Variants in GPD1L observed in about 807,000 individuals in gnomAD.
The protein encoded by GPD1L is glycerol-3-phosphate dehydrogenase 1-like protein.
Under a neutral mutation model 32.9 loss-of-function variants are expected in GPD1L, and 17 were observed. The observed-to-expected ratio is 0.52, with a 90% CI of 0.35 to 0.78. The LOEUF (loss-of-function observed/expected upper bound fraction) is 0.78, where lower values mean the gene tolerates loss of function less well. Ranked by LOEUF, GPD1L falls within the 30% of genes least tolerant of loss-of-function variation. The probability of loss-of-function intolerance (pLI) is 0.01; values close to 1 mark genes in which losing one functional copy is unlikely to be tolerated. For missense variants in GPD1L, 361 were observed against 447.8 expected (o/e 0.81, Z 1.75); for synonymous variants, 187 against 165.9 (o/e 1.13, Z -0.98).
chr3:32,163,511 C>T (rs1218147528), intron 7 of GPD1L, among the ~76,000 whole-genome samples: 1 of 152,108 alleles, frequency 6.6e-6, no homozygotes, highest in East Asian at 1.9e-4. Flanking sequence ...TCTTTTTCTT[C>T]CTTTCACCTC....
intron 5 of GPD1L, 54 bp downstream of exon 5, chr3:32,146,788 T>A: frequency 1.0e-6 from 1 of 975,256 alleles, no homozygotes; most frequent in Admixed American, 1.7e-5. Context: ...GTTAGCATCA[T>A]TGAGTCTAAT....
At chr3:32,117,046 A>C (rs908034834) in intron 1 of GPD1L, among the ~76,000 whole-genome samples, 3 of 152,352 alleles carry the variant, frequency 2.0e-5, no homozygotes, top group East Asian at 3.9e-4. Context: ...AAATGTAAAT[A>C]CTATGTGTAG....
At chr3:32,135,964 C>T (rs919989521) in intron 2 of GPD1L, among the ~76,000 whole-genome samples, 4 of 152,138 alleles carry the variant, frequency 2.6e-5, no homozygotes, top group African/African-American at 7.2e-5. Flanking sequence ...CTGCCACTAA[C>T]GGTGGAGAAG....
At chr3:32,117,700 A>C (rs1356473801) in intron 1 of GPD1L, among the ~76,000 whole-genome samples, 1 of 152,220 alleles carries the variant, frequency 6.6e-6, no homozygotes, top group East Asian at 1.9e-4. Flanking sequence ...TAGGATGTAG[A>C]ATATGCTTGT....
intron 5 of GPD1L, among the ~76,000 whole-genome samples, chr3:32,149,842 G>A (rs76296590): frequency 2.6e-5 from 4 of 152,070 alleles, no homozygotes; most frequent in Middle Eastern, 3.4e-3. Context: ...CCAGCTACTC[G>A]GGAGGCTGAG....
In GPD1L at chr3:32,128,229, T is replaced by G; in HGVS notation, c.201T>G (p.Pro67=). ...NNDHENVKYL[P]GHKLPENVVA... is the part of the protein sequence containing the mutation. ...ACCATGAAAATGTAAAATATCTTCC[T>G]GGACACAAGCTGCCAGAAAATGTGG... The change falls in exon 2 of 8, where the codon CCT becomes CCG. Residue 67 remains proline, a synonymous_variant. Coordinates refer to ENST00000282541, the MANE Select transcript of GPD1L (RefSeq NM_015141.4). 1 of 1,613,848 alleles carries G rather than the reference T, an allele frequency of 6.2e-7. No individual in the cohort carries two copies. The highest frequency in any genetic ancestry group is 2.2e-5 in the East Asian group (1 of 44,872).
Position 32,165,823 on chromosome 3 carries a change from G to T in GPD1L, c.969G>T (p.Leu323Phe), listed in dbSNP as rs749812671. Reference sequence around the variant, plus strand: ...ATTTCCTCCCAACTAGGTTTCCATTGTTTACTGCAGTGTATCAGATCTGCT... The same window carrying T: ...ATTTCCTCCCAACTAGGTTTCCATTTTTTACTGCAGTGTATCAGATCTGCT... ...KQKGLLDKFP[L>F]FTAVYQICYE... The change falls in exon 8 of 8, where the codon TTG becomes TTT. Residue 323 changes from leucine to phenylalanine, a missense_variant. Transcript: ENST00000282541. 6.3e-7 allele frequency: 1 copy of T among 1,588,144 alleles called. No individual in the cohort carries two copies. The highest frequency in any genetic ancestry group is 8.6e-7 in the Non-Finnish European group (1 of 1,156,438).
At chr3:32,120,216 C>T (rs1166395899) in intron 1 of GPD1L, among the ~76,000 whole-genome samples, 1 of 151,902 alleles carries the variant, frequency 6.6e-6, no homozygotes, top group Admixed American at 6.6e-5. Flanking sequence ...TACTGGGGAG[C>T]CTGAGGCAGG....
chr3:32,159,019 C>T lies in GPD1L; in HGVS notation c.762C>T (p.Phe254=), dbSNP rs1453406813. ...FCKGQVSTAT[F]LESCGVADLI... Reference sequence around the variant, plus strand: ...AAGGCCAAGTGTCTACAGCCACCTTCCTAGAGAGCTGCGGGGTGGCCGACC... The same window carrying T: ...AAGGCCAAGTGTCTACAGCCACCTTTCTAGAGAGCTGCGGGGTGGCCGACC... Residue 254 remains phenylalanine (F), a synonymous_variant, in exon 6 of 8, where the codon TTC becomes TTT. Coordinates refer to ENST00000282541, the MANE Select transcript of GPD1L (RefSeq NM_015141.4). 1.9e-6 allele frequency: 3 copies of T among 1,614,058 alleles called. No individual in the cohort carries two copies. Among genetic ancestry groups the T allele is most frequent in the East Asian group, 4.5e-5 (2 of 44,880 alleles).
At chr3:32,119,225 A>G (rs1340754064) in intron 1 of GPD1L, among the ~76,000 whole-genome samples, 1 of 152,232 alleles carries the variant, frequency 6.6e-6, no homozygotes, top group Non-Finnish European at 1.5e-5. Context: ...TATTTTACAA[A>G]TCTACAAACA....
At chr3:32,130,165 A>G (rs79019422) in intron 2 of GPD1L, among the ~76,000 whole-genome samples, 6,616 of 152,074 alleles carry the variant, frequency 0.044, 465 homozygotes, top group East Asian at 0.27. Flanking sequence ...AGGAATCGAC[A>G]TAGAGGAGTT....
chr3:32,140,168 T>C (rs72546654), intron 3 of GPD1L, 60 bp from the exon 4 acceptor site: 13 of 1,588,524 alleles, frequency 8.2e-6, no homozygotes, highest in Non-Finnish European at 3.5e-6. Context: ...GGACATCTAC[T>C]ATCCCATGCC....
At chr3:32,141,679 TA>T (rs946689348) in intron 4 of GPD1L, among the ~76,000 whole-genome samples, 8 of 151,896 alleles carry the variant, frequency 5.3e-5, no homozygotes, top group Admixed American at 1.3e-4. Context: ...GACACAGGTT[TA>T]AAAAAAAATT....
intron 7 of GPD1L, among the ~76,000 whole-genome samples, chr3:32,163,655 A>G (rs1220245822): frequency 2.0e-5 from 3 of 152,280 alleles, no homozygotes; most frequent in Non-Finnish European, 4.4e-5. Flanking sequence ...CTGTGGTTCA[A>G]TTTACTCATA....
intron 1 of GPD1L, among the ~76,000 whole-genome samples, chr3:32,119,321 AGGT>A (rs1160918063): frequency 6.6e-6 from 1 of 152,188 alleles, no homozygotes; most frequent in African/African-American, 2.4e-5. Context: ...AGTGGATCTG[AGGT>A]GGTATTATTT....
At chr3:32,142,544 TTTTA>T (rs1474224976) in intron 4 of GPD1L, among the ~76,000 whole-genome samples, 1 of 152,250 alleles carries the variant, frequency 6.6e-6, no homozygotes, top group Non-Finnish European at 1.5e-5. Flanking sequence ...CAGTAAATTC[TTTTA>T]TTTATCTGCA....
chr3:32,115,758 CTTTTTTTTTTTTTTTTTTTTTTTTTTTT>C (rs539068850), intron 1 of GPD1L, among the ~76,000 whole-genome samples: 13 of 45,084 alleles, frequency 2.9e-4, no homozygotes, highest in Admixed American at 2.2e-3. Context: ...GTACGTTGAA[CTTTTTTTTTTTTTTTTTTTTTTTTTTTT>C]TTTTTTTTTT....
At chr3:32,111,112 C>T (rs866500476) in intron 1 of GPD1L, among the ~76,000 whole-genome samples, 91 of 152,180 alleles carry the variant, frequency 6.0e-4, no homozygotes, top group Admixed American at 3.3e-4. Context: ...ATAGTCTGCC[C>T]GCCTTGGCCT....
At chr3:32,164,910 G>A (rs202161043) in intron 7 of GPD1L, among the ~76,000 whole-genome samples, 2 of 146,818 alleles carry the variant, frequency 1.4e-5, no homozygotes, top group African/African-American at 2.6e-5. Context: ...GTGTGTGTGT[G>A]TATTTAAAAG....
Sources: gnomAD v4.1 joint callset for allele counts (sites outside exome capture counted in the v4.1 genomes callset) on GRCh38, gnomAD v4.1.1 for gene constraint, MANE v1.5 for transcripts, NCBI Gene and HGNC (gene_info 2026-07-23, HGNC 2026-07-21) for gene names.